The following SAMD3 variants were observed in gnomAD, a reference collection of about 807,000 sequenced individuals.
SAMD3 encodes sterile alpha motif domain-containing protein 3.
SAMD3 carries 63 observed loss-of-function variants against 58.5 expected under a neutral mutation model. That is an observed-to-expected ratio of 1.08 (90% confidence interval 0.88 to 1.33). SAMD3 has a LOEUF of 1.33. Among genes scored for constraint, SAMD3 ranks in the 40% most tolerant of loss-of-function variants. The probability of loss-of-function intolerance (pLI) is 0.00; values close to 1 mark genes in which losing one functional copy is unlikely to be tolerated. For missense variants in SAMD3, 604 were observed against 608.4 expected (o/e 0.99, Z 0.08); for synonymous variants, 220 against 210.3 (o/e 1.05, Z -0.40).
At chr6:130,321,356 G>A (rs933854552) in intron 1 of SAMD3, among the ~76,000 whole-genome samples, 2 of 152,118 alleles carry the variant, frequency 1.3e-5, no homozygotes, top group African/African-American at 4.8e-5. Flanking sequence ...TCCCAGTTAA[G>A]CTTGGAAATG....
chr6:130,270,370 G>A (rs564097768), intron 2 of SAMD3, among the ~76,000 whole-genome samples: 23 of 152,292 alleles, frequency 1.5e-4, no homozygotes, highest in Admixed American at 1.3e-3. Flanking sequence ...TGGGATTACG[G>A]GCTTGAGCCC....
intron 2 of SAMD3, among the ~76,000 whole-genome samples, chr6:130,238,561 CAA>C (rs74702591): frequency 1.4e-5 from 2 of 138,334 alleles, no homozygotes; most frequent in African/African-American, 2.7e-5. Flanking sequence ...AGTAAAAGGA[CAA>C]AAAAAAAAAT....
chr6:130,226,138 T>C (rs972275745), upstream of SAMD3, among the ~76,000 whole-genome samples: 4 of 152,220 alleles, frequency 2.6e-5, no homozygotes, highest in African/African-American at 9.6e-5. Flanking sequence ...GAGAGCCTGA[T>C]GGGCAGACTG....
At chr6:130,252,026 T>C (rs1319654086) in intron 2 of SAMD3, among the ~76,000 whole-genome samples, 1 of 152,086 alleles carries the variant, frequency 6.6e-6, no homozygotes, top group Non-Finnish European at 1.5e-5. Flanking sequence ...ATTATTGTTG[T>C]CTTCTTCTCT....
At chr6:130,267,394 C>A (rs1240768668) in intron 2 of SAMD3, among the ~76,000 whole-genome samples, 5 of 152,162 alleles carry the variant, frequency 3.3e-5, no homozygotes, top group Non-Finnish European at 1.5e-5. Flanking sequence ...TGCTTCAGCA[C>A]AAGTGTACCA....
intron 5 of SAMD3, among the ~76,000 whole-genome samples, chr6:130,190,582 C>A (rs1176160692): frequency 6.6e-6 from 1 of 151,708 alleles, no homozygotes; most frequent in African/African-American, 2.4e-5. Context: ...GGATTAATAG[C>A]AGAATGGAGA....
At chr6:130,179,917 C>A (rs1055289402) in intron 7 of SAMD3, among the ~76,000 whole-genome samples, 12 of 148,924 alleles carry the variant, frequency 8.1e-5, no homozygotes, top group Non-Finnish European at 3.0e-5. Flanking sequence ...TGGGTTCAAG[C>A]GATTCTCCTG....
At chr6:130,344,972 G>A (rs1777400368) in intron 1 of SAMD3, among the ~76,000 whole-genome samples, 1 of 149,720 alleles carries the variant, frequency 6.7e-6, no homozygotes, top group Non-Finnish European at 1.5e-5. Context: ...TGCACAACTT[G>A]TTTTTATCAC....
intron 1 of SAMD3, among the ~76,000 whole-genome samples, chr6:130,321,335 A>G (rs1776578441): frequency 6.6e-6 from 1 of 152,150 alleles, no homozygotes; most frequent in Admixed American, 6.5e-5. Context: ...TGAGCTTGGA[A>G]GCAGATACTC....
At chr6:130,217,909 A>G (rs1441929398) in intron 1 of SAMD3, among the ~76,000 whole-genome samples, 1 of 152,174 alleles carries the variant, frequency 6.6e-6, no homozygotes, top group Non-Finnish European at 1.5e-5. Context: ...ACCGTGGCTG[A>G]ACTTGAAGGG....
At chr6:130,146,801 C>T (rs1271981702) in intron 9 of SAMD3, among the ~76,000 whole-genome samples, 1 of 151,930 alleles carries the variant, frequency 6.6e-6, no homozygotes, top group Non-Finnish European at 1.5e-5. Context: ...ACAGAAAAAC[C>T]CTGTCTCTAC....
At chr6:130,266,355 C>T (rs897854667) in intron 2 of SAMD3, among the ~76,000 whole-genome samples, 1 of 151,912 alleles carries the variant, frequency 6.6e-6, no homozygotes, top group Non-Finnish European at 1.5e-5. Flanking sequence ...CATAGGAAGC[C>T]CAAGAATTTG....
At chr6:130,365,022 G>A (rs1778095837) in intron 1 of SAMD3, 1 of 203,342 alleles carries the variant, frequency 4.9e-6, no homozygotes, top group Non-Finnish European at 8.7e-6. Context: ...AACAGATCCA[G>A]GGGACACAAG....
intron 2 of SAMD3, among the ~76,000 whole-genome samples, chr6:130,233,586 G>A (rs1271475187): frequency 4.6e-5 from 7 of 152,184 alleles, no homozygotes; most frequent in Admixed American, 6.5e-5. Flanking sequence ...ATTCAACAGC[G>A]ATTTCTTAGG....
intron 2 of SAMD3, among the ~76,000 whole-genome samples, chr6:130,289,758 C>A (rs1289434474): frequency 6.6e-6 from 1 of 152,206 alleles, no homozygotes; most frequent in Non-Finnish European, 1.5e-5. Flanking sequence ...CCTTGGCCCC[C>A]CAAAGTGCTG....
chr6:130,352,620 GA>G (rs1777711758), intron 1 of SAMD3, among the ~76,000 whole-genome samples: 1 of 152,168 alleles, frequency 6.6e-6, no homozygotes, highest in African/African-American at 2.4e-5. Context: ...GATTATTGAA[GA>G]ATATGAAAAT....
chr6:130,247,710 A>G (rs1200299931), intron 2 of SAMD3, among the ~76,000 whole-genome samples: 1 of 152,198 alleles, frequency 6.6e-6, no homozygotes, highest in Non-Finnish European at 1.5e-5. Context: ...TGTCTGAAAT[A>G]TATCTCAGGA....
intron 2 of SAMD3, among the ~76,000 whole-genome samples, chr6:130,230,259 C>G (rs963908307): frequency 6.6e-6 from 1 of 152,146 alleles, no homozygotes; most frequent in Non-Finnish European, 1.5e-5. Flanking sequence ...TATGAATGTT[C>G]GGCAGGCTGG....
At position 130,184,537 on chromosome 6, in the gene SAMD3, T is replaced by A. The variant is rs1403692363; in HGVS notation, c.470A>T (p.Lys157Ile). 6.2e-7 allele frequency: 1 copy of A among 1,614,188 alleles called. No individual in the cohort carries two copies. Among genetic ancestry groups the A allele is most frequent in the Admixed American group, 1.7e-5 (1 of 60,030 alleles). ...GCACTTCTGCTCTGCTAACATGCAT[T>A]TGACATCATAGGGAAACTCTGGTAA... is the stretch of plus-strand genomic sequence containing the variant. The part of the protein sequence containing the change: ...YVLPEFPYDV[K>I]CMLAEQKCPD... The change falls in exon 6 of 12, where the codon AAA (lysine) becomes ATA (isoleucine). Residue 157 changes from lysine (K) to isoleucine (I), a missense_variant. By Grantham distance (102) the Lys-to-Ile change is moderately radical. Transcript: ENST00000439090.
Sources: allele counts gnomAD v4.1 joint callset (sites outside exome capture counted in the v4.1 genomes callset), GRCh38; gene constraint gnomAD v4.1.1; transcripts MANE v1.5; gene names NCBI Gene and HGNC (gene_info 2026-07-23, HGNC 2026-07-21).